Variants in CDH12 observed in about 807,000 individuals in gnomAD.
CDH12 encodes the protein cadherin 12.
A neutral mutation model predicts 74.1 loss-of-function variants in CDH12; 41 were observed. That is an observed-to-expected ratio of 0.55 (90% confidence interval 0.43 to 0.72). The LOEUF (loss-of-function observed/expected upper bound fraction) is 0.72. Ranked by LOEUF, CDH12 falls within the 30% of genes least tolerant of loss-of-function variation. The pLI is 0.00. For missense variants in CDH12, 945 were observed against 977.2 expected, an observed-to-expected ratio of 0.97 and a Z score of 0.44; for synonymous variants, 399 against 355.0, an observed-to-expected ratio of 1.12 and a Z score of -1.39.
chr5:22,716,304 G>T (rs192356362), intron 1 of CDH12, among the ~76,000 whole-genome samples: 6 of 152,210 alleles, frequency 3.9e-5, no homozygotes, highest in African/African-American at 1.4e-4. Flanking sequence ...ATCGTATACT[G>T]CATCTGGATA....
intron 1 of CDH12, among the ~76,000 whole-genome samples, chr5:22,777,288 G>C (rs775795501): frequency 2.0e-5 from 3 of 152,096 alleles, no homozygotes; most frequent in Non-Finnish European, 2.9e-5. Context: ...ATTACACTTA[G>C]TGTATAATCC....
chr5:22,675,254 G>A (rs1050610587), intron 1 of CDH12, among the ~76,000 whole-genome samples: 7 of 152,132 alleles, frequency 4.6e-5, no homozygotes, highest in Non-Finnish European at 1.0e-4. Flanking sequence ...TTCCAGCCAT[G>A]ACTAAAAGGG....
rs186424641 is a variant in CDH12 at position 22,799,794 on chromosome 5, A to G, written c.-523+53264T>C. Among the ~76,000 whole-genome samples the G allele has an allele frequency of 3.3e-5, 5 of 152,310 alleles. No individual in the cohort carries two copies. The East Asian group carries it at 9.6e-4, about 29-fold the overall frequency. ...ACCTACATATATACCTACAATATAC[A>G]CAATATATTGATATTTACAACCTAC... On this transcript the variant is annotated intron_variant, in intron 1 of 14. Transcript: ENST00000382254.
intron 5 of CDH12, among the ~76,000 whole-genome samples, chr5:22,026,156 A>C (rs1456112318): frequency 6.6e-6 from 1 of 152,174 alleles, no homozygotes; most frequent in Non-Finnish European, 1.5e-5. Flanking sequence ...TACTTTGCCC[A>C]GATCCATCAG....
At chr5:22,206,230 C>T (rs1423392769) in intron 4 of CDH12, among the ~76,000 whole-genome samples, 1 of 152,182 alleles carries the variant, frequency 6.6e-6, no homozygotes, top group African/African-American at 2.4e-5. Flanking sequence ...CCAGTAGCAT[C>T]AACCTCTCTG....
chr5:22,590,549 A>C (rs1740648922), intron 1 of CDH12, among the ~76,000 whole-genome samples: 1 of 152,224 alleles, frequency 6.6e-6, no homozygotes, highest in African/African-American at 2.4e-5. Flanking sequence ...AATACTCTTT[A>C]GTAATTTTTA....
At chr5:22,258,548 T>TAA (rs1303228097) in intron 3 of CDH12, among the ~76,000 whole-genome samples, 2 of 142,604 alleles carry the variant, frequency 1.4e-5, no homozygotes, top group African/African-American at 5.1e-5. Context: ...TGTTAAAAGT[T>TAA]AAAAAAAAAA....
At chr5:22,061,441 A>G (rs1741182559) in intron 5 of CDH12, among the ~76,000 whole-genome samples, 2 of 152,170 alleles carry the variant, frequency 1.3e-5, no homozygotes, top group Admixed American at 1.3e-4. Context: ...GTATTCAAAT[A>G]TAGGTTTGAA....
At chr5:22,047,998 G>A (rs116033732) in intron 5 of CDH12, among the ~76,000 whole-genome samples, 1,945 of 152,182 alleles carry the variant, frequency 0.013, 30 homozygotes, top group African/African-American at 0.04. Context: ...TGTTTTCTCC[G>A]TATGAATGTG....
intron 6 of CDH12, among the ~76,000 whole-genome samples, chr5:21,967,387 T>C (rs957725782): frequency 1.3e-5 from 2 of 152,182 alleles, no homozygotes; most frequent in Non-Finnish European, 2.9e-5. Context: ...CATAGCTATC[T>C]TGCCAGTAGC....
intron 2 of CDH12, among the ~76,000 whole-genome samples, chr5:22,420,293 A>G (rs1021740216): frequency 7.9e-5 from 12 of 151,908 alleles, no homozygotes; most frequent in Middle Eastern, 3.2e-3. Flanking sequence ...CTTCTAGGGT[A>G]TTTATAGTTT....
chr5:22,049,393 T>C (rs1423817311), intron 5 of CDH12, among the ~76,000 whole-genome samples: 3 of 152,126 alleles, frequency 2.0e-5, no homozygotes, highest in African/African-American at 7.2e-5. Context: ...CAGCTTTTGA[T>C]TTTAAAATAT....
At chr5:22,739,444 T>A (rs1580944869) in intron 1 of CDH12, among the ~76,000 whole-genome samples, 2 of 152,224 alleles carry the variant, frequency 1.3e-5, no homozygotes, top group South Asian at 4.1e-4. Context: ...TATTTTATCA[T>A]CTTATAAGTA....
intron 3 of CDH12, among the ~76,000 whole-genome samples, chr5:22,380,805 CAG>C (rs1179649961): frequency 3.9e-5 from 6 of 151,960 alleles, no homozygotes; most frequent in Admixed American, 3.3e-4. Context: ...TTTATGTAAA[CAG>C]GGTAATTAAT....
At chr5:21,870,104 T>A (rs1417282308) in intron 6 of CDH12, among the ~76,000 whole-genome samples, 2 of 152,176 alleles carry the variant, frequency 1.3e-5, no homozygotes, top group Non-Finnish European at 2.9e-5. Context: ...CGGGCATCCA[T>A]GTAAGAAGTG....
intron 2 of CDH12, among the ~76,000 whole-genome samples, chr5:22,416,107 C>G: frequency 9.7e-6 from 1 of 102,902 alleles, no homozygotes; most frequent in African/African-American, 3.9e-5. Flanking sequence ...CGGAGTCTCG[C>G]TCTGTGGCCC....
chr5:22,426,975 A>G (rs1743965258), intron 2 of CDH12, among the ~76,000 whole-genome samples: 1 of 151,370 alleles, frequency 6.6e-6, no homozygotes, highest in African/African-American at 2.4e-5. Flanking sequence ...TCTACCCTCT[A>G]TCTCTTTTTC....
intron 6 of CDH12, among the ~76,000 whole-genome samples, chr5:21,873,811 A>G (rs572286707): frequency 3.3e-5 from 5 of 150,676 alleles, no homozygotes; most frequent in South Asian, 2.1e-4. Context: ...ACAGGCCCCA[A>G]TGAGTGTTGT....
intron 1 of CDH12, among the ~76,000 whole-genome samples, chr5:22,579,291 T>C (rs186174813): frequency 6.6e-6 from 1 of 152,282 alleles, no homozygotes; most frequent in East Asian, 1.9e-4. Flanking sequence ...AAAATGAATA[T>C]ATTCATGAAT....
Sources: gnomAD v4.1 joint callset for allele counts (sites outside exome capture counted in the v4.1 genomes callset) on GRCh38, gnomAD v4.1.1 for gene constraint, MANE v1.5 for transcripts, NCBI Gene and HGNC (gene_info 2026-07-23, HGNC 2026-07-21) for gene names.